ABI3BP: variants seen among roughly 807,000 people sequenced by gnomAD.
ABI3BP encodes the protein ABI family member 3 binding protein.
Under a neutral mutation model 268.6 loss-of-function variants are expected in ABI3BP, and 216 were observed. The ratio of observed to expected loss-of-function variants is 0.80; its 90% CI spans 0.72 to 0.90. The LOEUF (loss-of-function observed/expected upper bound fraction) is 0.90. Among genes scored for constraint, ABI3BP ranks in the 40% least tolerant of loss-of-function variants. The pLI is 0.00. For missense variants in ABI3BP, 2,090 were observed against 2,182.4 expected (o/e 0.96, Z 0.84); for synonymous variants, 730 against 730.0 (o/e 1.00, Z 0.00).
intron 55 of ABI3BP, among the ~76,000 whole-genome samples, chr3:100,792,436 C>T (rs1329920773): frequency 6.6e-6 from 1 of 151,440 alleles, no homozygotes; most frequent in Non-Finnish European, 1.5e-5. Flanking sequence ...ATGGGATCTT[C>T]CACTCTTAGT....
chr3:100,942,577 G>T (rs2069920938), intron 1 of ABI3BP, among the ~76,000 whole-genome samples: 1 of 151,992 alleles, frequency 6.6e-6, no homozygotes, highest in Non-Finnish European at 1.5e-5. Context: ...TTATTTTCAT[G>T]AAAATTCATG....
chr3:100,943,818 TC>T (rs1239248936), intron 1 of ABI3BP, among the ~76,000 whole-genome samples: 1 of 152,122 alleles, frequency 6.6e-6, no homozygotes, highest in Non-Finnish European at 1.5e-5. Context: ...ATAATCAGCC[TC>T]TTTTGATTGT....
intron 9 of ABI3BP, among the ~76,000 whole-genome samples, chr3:100,871,628 T>G (rs567852425): frequency 1.8e-4 from 28 of 152,248 alleles, no homozygotes; most frequent in Admixed American, 3.9e-4. Context: ...TTTTGCCTGC[T>G]GCCATCCATG....
rs551021140 is a variant in ABI3BP at position 100,953,864 on chromosome 3, A to T, written c.80-27383T>A. 1.4e-3 allele frequency among the ~76,000 whole-genome samples: 216 copies of T among 152,280 alleles called. 3 individuals carry two copies. Among genetic ancestry groups the T allele is most frequent in the African/African-American group, 4.9e-3 (202 of 41,568 alleles). The stretch of plus-strand genomic sequence containing the variant: ...TGAACTGCAAACCCTGAACAAAATT[A>T]AAAAAAGCAAATAGACCAGTTTGAT... On this transcript the variant is annotated intron_variant, in intron 1 of 67. Coordinates refer to ENST00000471714, the MANE Select transcript of ABI3BP (RefSeq NM_001375547.2).
chr3:100,953,574 T>C (rs1479842553), intron 1 of ABI3BP, among the ~76,000 whole-genome samples: 1 of 151,708 alleles, frequency 6.6e-6, no homozygotes, highest in Non-Finnish European at 1.5e-5. Context: ...TTCTGAGGCA[T>C]GTAAGAAGAT....
intron 57 of ABI3BP, among the ~76,000 whole-genome samples, chr3:100,786,370 T>A (rs781095024): frequency 1.3e-5 from 2 of 152,198 alleles, no homozygotes; most frequent in Non-Finnish European, 2.9e-5. Flanking sequence ...ACTTTATGTA[T>A]ATAAGAAGGT....
chr3:100,783,369 G>A (rs1458051469), intron 57 of ABI3BP, among the ~76,000 whole-genome samples: 1 of 152,126 alleles, frequency 6.6e-6, no homozygotes, highest in Admixed American at 6.5e-5. Flanking sequence ...AGGAGTCTAG[G>A]GTTCAGGTAT....
chr3:100,956,212 A>AC, intron 1 of ABI3BP, among the ~76,000 whole-genome samples: 1 of 99,264 alleles, frequency 1.0e-5, no homozygotes, highest in Non-Finnish European at 1.9e-5. Flanking sequence ...AAAAAGAAAA[A>AC]CAACACACAC....
At chr3:100,824,660 G>T (rs1324953066) in intron 36 of ABI3BP, among the ~76,000 whole-genome samples, 198 bp downstream of exon 36, 1 of 152,188 alleles carries the variant, frequency 6.6e-6, no homozygotes, top group Non-Finnish European at 1.5e-5. Context: ...GAAATAATAA[G>T]ATATGCTGGC....
chr3:100,954,447 G>A (rs552780111), intron 1 of ABI3BP, among the ~76,000 whole-genome samples: 1 of 152,208 alleles, frequency 6.6e-6, no homozygotes, highest in South Asian at 2.1e-4. Flanking sequence ...TTATTTTCAC[G>A]TACATGCCCT....
At chr3:100,763,675 C>T (rs143325732) in intron 63 of ABI3BP, among the ~76,000 whole-genome samples, 1 of 152,138 alleles carries the variant, frequency 6.6e-6, no homozygotes, top group African/African-American at 2.4e-5. Context: ...AGAATAAGTC[C>T]TAAAACAATT....
At chr3:100,780,567 C>A (rs1264419136) in intron 57 of ABI3BP, among the ~76,000 whole-genome samples, 2 of 151,672 alleles carry the variant, frequency 1.3e-5, no homozygotes, top group South Asian at 2.1e-4. Context: ...TTTTGTAATT[C>A]AAAAAAAATT....
At chr3:100,768,127 C>T (rs1211523055) in intron 62 of ABI3BP, among the ~76,000 whole-genome samples, 1 of 124,202 alleles carries the variant, frequency 8.1e-6, no homozygotes, top group African/African-American at 3.1e-5. Context: ...CACACTCTGT[C>T]GCCTAGGCTG....
chr3:100,865,143 C>A (rs1178116023), intron 10 of ABI3BP, among the ~76,000 whole-genome samples: 1 of 152,166 alleles, frequency 6.6e-6, no homozygotes, highest in Non-Finnish European at 1.5e-5. Context: ...ACCTGACTTT[C>A]ATTGAAACAC....
At chr3:100,752,571 T>C (rs958338518) in intron 66 of ABI3BP, 1 of 481,622 alleles carries the variant, frequency 2.1e-6, no homozygotes. Context: ...GGCACTGTTT[T>C]ATAATTGCAT....
chr3:100,863,993 A>AT lies in ABI3BP; in HGVS notation c.1138+8dup, dbSNP rs1455493477. On this transcript the variant is annotated intron_variant, in intron 12 of 67. Transcript: ENST00000471714. ...TAATAATAAAGCTGCAGTATTTATT[A>AT]TTTTTTACCTAGAGTGCTCAGTGGC... 3 of 1,513,216 alleles carry AT rather than the reference A, an allele frequency of 2.0e-6. No individual in the cohort carries two copies. The highest frequency in any genetic ancestry group is 1.2e-5 in the South Asian group (1 of 83,560). 93.7% of individuals were successfully genotyped at this position (1,513,216 alleles called of 1,614,324 possible).
Position 100,880,633 on chromosome 3 carries a change from C to T in ABI3BP, c.697-4073G>A, listed in dbSNP as rs183385760. Among the ~76,000 whole-genome samples, 327 of 152,160 alleles carry T rather than the reference C, an allele frequency of 2.1e-3. 1 individual carries two copies. The highest frequency in any genetic ancestry group is 6.8e-3 in the Middle Eastern group (2 of 292). ...TACTAGAGTCTAAAGGGTGATGCCC[C>T]GGAGACAAATGCAGCATGCTTTCTT... On this transcript the variant is annotated intron_variant, in intron 6 of 67. Coordinates refer to ENST00000471714, the MANE Select transcript of ABI3BP (RefSeq NM_001375547.2).
intron 20 of ABI3BP, among the ~76,000 whole-genome samples, chr3:100,843,292 C>A (rs76284098): frequency 0.048 from 7,349 of 152,100 alleles, 217 homozygotes; most frequent in Non-Finnish European, 0.052. Flanking sequence ...TTAAAAGCCC[C>A]GAATTCTGAT....
intron 16 of ABI3BP, 64 bp from the exon 17 acceptor site, chr3:100,850,183 T>C: frequency 7.0e-7 from 1 of 1,435,244 alleles, no homozygotes; most frequent in Non-Finnish European, 9.6e-7. Context: ...TTGAAGAATT[T>C]TAACATGCTT....
Sources: allele counts gnomAD v4.1 joint callset (sites outside exome capture counted in the v4.1 genomes callset), GRCh38; gene constraint gnomAD v4.1.1; transcripts MANE v1.5; gene names NCBI Gene and HGNC (gene_info 2026-07-23, HGNC 2026-07-21).